The following GPR39 variants were observed in gnomAD, a reference collection of about 807,000 sequenced individuals.
The protein encoded by GPR39 is G protein-coupled receptor 39.
GPR39 carries 23 observed loss-of-function variants against 18.4 expected under a neutral mutation model. That is an observed-to-expected ratio of 1.25 (90% CI 0.90 to 1.77). The LOEUF is 1.77. Among genes scored for constraint, GPR39 ranks in the 40% most tolerant of loss-of-function variants. The pLI is 0.00. For synonymous variants in GPR39, 280 were observed against 257.9 expected, an observed-to-expected ratio of 1.09 and a Z score of -0.82; for missense variants, 647 against 602.4, an observed-to-expected ratio of 1.07 and a Z score of -0.78.
intron 1 of GPR39, among the ~76,000 whole-genome samples, chr2:132,482,651 A>T (rs905257455): frequency 1.3e-5 from 2 of 152,204 alleles, no homozygotes; most frequent in African/African-American, 4.8e-5. Context: ...ACTAGGCATT[A>T]ATTTACATTC....
chr2:132,502,687 C>T (rs973911667), intron 1 of GPR39, among the ~76,000 whole-genome samples: 7 of 152,136 alleles, frequency 4.6e-5, no homozygotes, highest in African/African-American at 1.7e-4. Context: ...GATTTCTCTT[C>T]TTCTTTGGGA....
At chr2:132,519,930 G>A (rs140830241) in intron 1 of GPR39, among the ~76,000 whole-genome samples, 124 of 152,198 alleles carry the variant, frequency 8.1e-4, no homozygotes, top group African/African-American at 2.9e-3. Context: ...ATGCAAATGG[G>A]ACCCCATCAC....
At chr2:132,502,510 T>C (rs796444978) in intron 1 of GPR39, among the ~76,000 whole-genome samples, 111 of 152,298 alleles carry the variant, frequency 7.3e-4, no homozygotes, top group Middle Eastern at 3.4e-3. Context: ...ATTCTTTTTC[T>C]TGTCTTGACT....
At chr2:132,516,429 T>C (rs1038252586) in intron 1 of GPR39, among the ~76,000 whole-genome samples, 4 of 152,102 alleles carry the variant, frequency 2.6e-5, no homozygotes, top group African/African-American at 9.7e-5. Context: ...GCCTTGGGTG[T>C]TCAATACAGG....
At chr2:132,628,160 T>C (rs928871168) in intron 1 of GPR39, among the ~76,000 whole-genome samples, 3 of 152,152 alleles carry the variant, frequency 2.0e-5, no homozygotes, top group African/African-American at 7.2e-5. Context: ...CTGGGAAGCA[T>C]TACTCCTAGA....
intron 1 of GPR39, among the ~76,000 whole-genome samples, chr2:132,517,301 G>T (rs1679352008): frequency 6.6e-6 from 1 of 152,048 alleles, no homozygotes; most frequent in Non-Finnish European, 1.5e-5. Flanking sequence ...TTTGGGGGAG[G>T]TTAGTTGGGG....
chr2:132,510,731 A>C (rs1433963000), intron 1 of GPR39, among the ~76,000 whole-genome samples: 1 of 152,314 alleles, frequency 6.6e-6, no homozygotes, highest in East Asian at 1.9e-4. Flanking sequence ...CTGCCATAAT[A>C]GATCTGATAA....
chr2:132,645,733 C>T lies in GPR39; in HGVS notation c.*127C>T, dbSNP rs758506376. 4 of 1,297,754 alleles carry T rather than the reference C, an allele frequency of 3.1e-6. No homozygotes were observed. The South Asian group carries it at 4.5e-5, about 15-fold the overall frequency. 80.4% of individuals were successfully genotyped at this position (1,297,754 alleles called of 1,614,324 possible). On this transcript the variant is annotated 3_prime_UTR_variant, in exon 2 of 2. Coordinates refer to ENST00000329321, the MANE Select transcript of GPR39 (RefSeq NM_001508.3). ...TGGACACTGGAGGCTTTACAAAAGGCAGATGCCCACCTCAGTGACTTCTAA... is the reference window on the plus strand; with the variant it reads ...TGGACACTGGAGGCTTTACAAAAGGTAGATGCCCACCTCAGTGACTTCTAA...
chr2:132,530,211 C>G (rs908699218), intron 1 of GPR39, among the ~76,000 whole-genome samples: 2 of 152,062 alleles, frequency 1.3e-5, no homozygotes, highest in Admixed American at 6.5e-5. Flanking sequence ...GACAAATGCA[C>G]AAGCCTCAGT....
At chr2:132,609,808 G>A (rs1681208795) in intron 1 of GPR39, among the ~76,000 whole-genome samples, 1 of 152,142 alleles carries the variant, frequency 6.6e-6, no homozygotes, top group South Asian at 2.1e-4. Context: ...AAGACAAGAG[G>A]AGCAAGGGTC....
intron 1 of GPR39, among the ~76,000 whole-genome samples, chr2:132,586,203 G>T (rs1308102812): frequency 1.3e-5 from 2 of 152,030 alleles, no homozygotes; most frequent in Admixed American, 6.6e-5. Flanking sequence ...TTAATAAGGC[G>T]GGTGGCGGGG....
At chr2:132,562,841 C>A (rs3109144) in intron 1 of GPR39, among the ~76,000 whole-genome samples, 2 of 151,998 alleles carry the variant, frequency 1.3e-5, no homozygotes, top group South Asian at 4.2e-4. Context: ...GCAGCAACAC[C>A]GAGAAAGAGT....
At chr2:132,571,244 A>G (rs1400774965) in intron 1 of GPR39, among the ~76,000 whole-genome samples, 2 of 152,210 alleles carry the variant, frequency 1.3e-5, no homozygotes, top group Non-Finnish European at 2.9e-5. Context: ...ATTTGGATCT[A>G]TCCTAAGACT....
intron 1 of GPR39, among the ~76,000 whole-genome samples, chr2:132,496,814 C>T (rs2104800553): frequency 6.6e-6 from 1 of 152,306 alleles, no homozygotes; most frequent in Admixed American, 6.5e-5. Context: ...TGCCAGGAGC[C>T]ATTAGCAGCC....
At chr2:132,470,348 A>C (rs1167445481) in intron 1 of GPR39, among the ~76,000 whole-genome samples, 1 of 152,126 alleles carries the variant, frequency 6.6e-6, no homozygotes, top group Admixed American at 6.5e-5. Context: ...ATGAGGTGAC[A>C]TTGCAACAAG....
chr2:132,430,323 T>C (rs1573598105), intron 1 of GPR39, among the ~76,000 whole-genome samples: 1 of 152,296 alleles, frequency 6.6e-6, no homozygotes, highest in African/African-American at 2.4e-5. Flanking sequence ...GACTCCAATG[T>C]GTAGCCAGGG....
rs541104714 is a variant in GPR39, at chr2:132,431,000, T to G, written c.856+13102T>G. The stretch of plus-strand genomic sequence containing the variant: ...CTGGTCATCTTAGTGCATGAGCAGT[T>G]TAGAGGGGTGGGGAGGAGGGGTCAG... On this transcript the variant is annotated intron_variant, in intron 1 of 1. Transcript: ENST00000329321. Among the ~76,000 whole-genome samples the G allele has an allele frequency of 2.6e-5, 4 of 152,244 alleles. No individual in the cohort carries two copies. In the South Asian group the frequency reaches 8.3e-4, roughly 32 times the overall value.
At chr2:132,585,959 T>TTTTTTG (rs1307230389) in intron 1 of GPR39, among the ~76,000 whole-genome samples, 69 of 141,792 alleles carry the variant, frequency 4.9e-4, no homozygotes, top group Non-Finnish European at 1.8e-4. Context: ...TTTTTTTTTT[T>TTTTTTG]TTTTTTTTTT....
chr2:132,552,937 T>C (rs1366071853), intron 1 of GPR39, among the ~76,000 whole-genome samples: 12 of 142,946 alleles, frequency 8.4e-5, no homozygotes, highest in Non-Finnish European at 1.2e-4. Context: ...CACACACATA[T>C]ATATATTTTT....
Sources: allele counts gnomAD v4.1 joint callset (sites outside exome capture counted in the v4.1 genomes callset), GRCh38; gene constraint gnomAD v4.1.1; transcripts MANE v1.5; gene names NCBI Gene and HGNC (gene_info 2026-07-23, HGNC 2026-07-21).